Variants in ZNF777 observed in about 807,000 individuals in gnomAD.
The protein encoded by ZNF777 is zinc finger protein 777.
ZNF777 carries 7 observed loss-of-function variants against 72.1 expected under a neutral mutation model. The ratio of observed to expected loss-of-function variants is 0.10; its 90% CI spans 0.06 to 0.18. The LOEUF is 0.18. Ranked by LOEUF, ZNF777 falls within the 10% of genes least tolerant of loss-of-function variation. ZNF777 has a pLI of 1.00. For missense variants in ZNF777, 828 were observed against 1,128.6 expected, an observed-to-expected ratio of 0.73 and a Z score of 3.82; for synonymous variants, 545 against 483.5, an observed-to-expected ratio of 1.13 and a Z score of -1.67.
Position 149,436,482 on chromosome 7 carries a change from C to A in ZNF777, c.1339+93G>T. Reference sequence around the variant, plus strand: ...TGTTGCCCCATCAGTGTCCAGCTACCTCTCTGAAGGAACCACAGCTTTCCC... The same window carrying A: ...TGTTGCCCCATCAGTGTCCAGCTACATCTCTGAAGGAACCACAGCTTTCCC... On this transcript the variant is annotated intron_variant, in intron 5 of 5. Transcript: ENST00000247930. This position sits in a 1 kb window ranked among gnomAD's most constrained non-coding sequence, Gnocchi z 5.0. The A allele has an allele frequency of 6.9e-7, 1 of 1,440,832 alleles. No individual in the cohort carries two copies. The highest frequency in any genetic ancestry group is 9.3e-7 in the Non-Finnish European group (1 of 1,077,044). 89.3% of individuals were successfully genotyped at this position (1,440,832 alleles called of 1,614,324 possible).
intron 4 of ZNF777, among the ~76,000 whole-genome samples, chr7:149,449,927 C>T (rs947627627): frequency 5.9e-5 from 9 of 152,196 alleles, no homozygotes; most frequent in Non-Finnish European, 1.0e-4. Flanking sequence ...CAGAAGTCAC[C>T]TTCCCACTCA....
At chr7:149,447,816 A>G (rs1799630832) in intron 4 of ZNF777, among the ~76,000 whole-genome samples, 1 of 152,112 alleles carries the variant, frequency 6.6e-6, no homozygotes, top group South Asian at 2.1e-4. Context: ...GCAGCCCTGG[A>G]TGCTCTGCGT....
chr7:149,435,898 A>C (rs1405771396), intron 5 of ZNF777, among the ~76,000 whole-genome samples: 2 of 152,372 alleles, frequency 1.3e-5, no homozygotes, highest in East Asian at 3.9e-4. Context: ...AACTTGAGTA[A>C]AATATTTATT....
chr7:149,433,312 C>G (rs181332882), intron 5 of ZNF777, among the ~76,000 whole-genome samples: 10 of 152,328 alleles, frequency 6.6e-5, no homozygotes, highest in Non-Finnish European at 8.8e-5. Flanking sequence ...TGTGGGAACA[C>G]CTGGATCCAG....
chr7:149,446,858 T>C (rs1799612298), intron 4 of ZNF777, among the ~76,000 whole-genome samples: 1 of 152,192 alleles, frequency 6.6e-6, no homozygotes, highest in African/African-American at 2.4e-5. Context: ...AACGTTTGTC[T>C]TCCTAAGGTC....
rs1428918593 is a variant in ZNF777 at position 149,460,309 on chromosome 7, C to T, written c.-16+506G>A. ...GGGCTCGCGCGCGGCCGTCGGGCCC[C>T]GGCCTGCTCGGGGCGCGCGGGGCGA... On this transcript the variant is annotated intron_variant, in intron 1 of 5. Transcript: ENST00000247930. This position sits in a 1 kb window ranked among gnomAD's most constrained non-coding sequence, Gnocchi z 6.1. Among the ~76,000 whole-genome samples, 1 of 146,016 alleles carries T rather than the reference C, an allele frequency of 6.8e-6. No homozygotes were observed. Among genetic ancestry groups the T allele is most frequent in the Non-Finnish European group, 1.5e-5 (1 of 65,758 alleles).
At chr7:149,453,472 T>C (rs1239649139) in intron 3 of ZNF777, among the ~76,000 whole-genome samples, 1 of 152,208 alleles carries the variant, frequency 6.6e-6, no homozygotes, top group Non-Finnish European at 1.5e-5. Flanking sequence ...CACACATATA[T>C]ATATGTAAGT....
In ZNF777 at chr7:149,442,216, C is replaced by CA. The variant is rs528928411; in HGVS notation, c.1088-5391dup. On this transcript the variant is annotated intron_variant, in intron 4 of 5. Transcript: ENST00000247930. ...TGGGCGACAGAGTGAGACTCTGTCT[C>CA]AAAAAAAAAAAAAAAAAAAGTGATA... 6.8e-3 allele frequency among the ~76,000 whole-genome samples: 562 copies of CA among 83,046 alleles called. 7 individuals are homozygous for CA. The highest frequency in any genetic ancestry group is 0.022 in the African/African-American group (472 of 21,002). The allele number at this position is 83,046 out of a possible 152,430, so 54.5% of individuals were successfully genotyped here.
intron 4 of ZNF777, among the ~76,000 whole-genome samples, chr7:149,447,352 T>C (rs1157518616): frequency 6.6e-6 from 1 of 152,220 alleles, no homozygotes; most frequent in Non-Finnish European, 1.5e-5. Flanking sequence ...GACTCCTTTA[T>C]TCAGCTGCTT....
In ZNF777 at chr7:149,436,753, C is replaced by T. The variant is rs530084889; in HGVS notation, c.1161G>A (p.Glu387=). 1 of 1,614,174 alleles carries T rather than the reference C, an allele frequency of 6.2e-7. No individual in the cohort carries two copies. Among genetic ancestry groups the T allele is most frequent in the Non-Finnish European group, 8.5e-7 (1 of 1,180,022 alleles). Residue 387 remains glutamate, a synonymous_variant, in exon 5 of 6, where the codon GAG becomes GAA. Coordinates refer to ENST00000247930, the MANE Select transcript of ZNF777 (RefSeq NM_015694.3). The surrounding 1 kb of genome is among the most constrained non-coding windows in gnomAD (Gnocchi z 5.0). The part of the protein sequence containing the change: ...DEGSESLETP[E]PLMGQVEEHG... ...GCTCTTCCACCTGTCCCATCAGGGGCTCAGGTGTCTCCAAACTTTCTGAGC... is the reference window on the plus strand; with the variant it reads ...GCTCTTCCACCTGTCCCATCAGGGGTTCAGGTGTCTCCAAACTTTCTGAGC...
intron 5 of ZNF777, among the ~76,000 whole-genome samples, chr7:149,435,535 G>A (rs1799395430): frequency 6.6e-6 from 1 of 151,972 alleles, no homozygotes; most frequent in South Asian, 2.1e-4. Flanking sequence ...TTTATTAAGT[G>A]CAAAAAGGCA....
chr7:149,448,747 G>A (rs573709688), intron 4 of ZNF777, among the ~76,000 whole-genome samples: 6 of 151,810 alleles, frequency 4.0e-5, no homozygotes, highest in East Asian at 1.9e-4. Context: ...TTTACTCTTT[G>A]CCAACTTGCT....
intron 5 of ZNF777, among the ~76,000 whole-genome samples, chr7:149,434,446 G>C (rs950096708): frequency 3.3e-5 from 5 of 152,202 alleles, no homozygotes; most frequent in Non-Finnish European, 7.3e-5. Flanking sequence ...CAAGGAGCAG[G>C]CAGCTGCAGA....
intron 4 of ZNF777, among the ~76,000 whole-genome samples, chr7:149,448,283 T>C (rs973677369): frequency 6.6e-6 from 1 of 151,392 alleles, no homozygotes; most frequent in Non-Finnish European, 1.5e-5. Flanking sequence ...CTGACCAACA[T>C]GGTGAAACGT....
intron 4 of ZNF777, among the ~76,000 whole-genome samples, chr7:149,448,529 ATATAGTT>A (rs1304301504): frequency 1.4e-5 from 2 of 141,740 alleles, no homozygotes; most frequent in Non-Finnish European, 3.0e-5. Context: ...ATAGTTATAC[ATATAGTT>A]ATATATATAG....
At chr7:149,449,813 C>A (rs1403097472) in intron 4 of ZNF777, among the ~76,000 whole-genome samples, 1 of 152,190 alleles carries the variant, frequency 6.6e-6, no homozygotes, top group African/African-American at 2.4e-5. Context: ...TCAGGATTAG[C>A]CCCTCTCCTC....
intron 2 of ZNF777, 143 bp from the exon 3 acceptor site, chr7:149,454,380 G>T: frequency 1.0e-6 from 1 of 966,484 alleles, no homozygotes; most frequent in Non-Finnish European, 1.5e-6. Flanking sequence ...TGGCCCCAAA[G>T]AGTGAGGGGC....
chr7:149,451,023 C>T lies in ZNF777; in HGVS notation c.1063G>A (p.Glu355Lys), dbSNP rs1323283342. 4 of 1,613,872 alleles carry T rather than the reference C, an allele frequency of 2.5e-6. No homozygotes were observed. The highest frequency in any genetic ancestry group is 1.3e-5 in the African/African-American group (1 of 75,042). Residue 355 changes from glutamate to lysine, a missense_variant, in exon 4 of 6, where the codon GAA becomes AAA. Glu to Lys is a moderately conservative substitution (Grantham distance 56). Around this residue, in one of 12 missense-constraint regions of ZNF777, gnomAD observed 73 missense variants for 90.6 expected, o/e 0.81. Coordinates refer to ENST00000247930, the MANE Select transcript of ZNF777 (RefSeq NM_015694.3). Reference sequence around the variant, plus strand: ...CCAGCACTGGGATCTGTCGGCGTTTCGCCCTCCTCAGAGTCTTCCTGCTCC... The same window carrying T: ...CCAGCACTGGGATCTGTCGGCGTTTTGCCCTCCTCAGAGTCTTCCTGCTCC... ...MQEQEDSEEG[E>K]TPTDPSAAHD...
chr7:149,458,340 C>T (rs1307989381), intron 1 of ZNF777, among the ~76,000 whole-genome samples: 2 of 152,242 alleles, frequency 1.3e-5, no homozygotes, highest in African/African-American at 2.4e-5. Flanking sequence ...GCGCCTGGCT[C>T]TCAGGGAAAG....
Sources: allele counts gnomAD v4.1 joint callset (sites outside exome capture counted in the v4.1 genomes callset), GRCh38; gene constraint gnomAD v4.1.1; regional missense constraint gnomAD v4.1.1; non-coding constraint Gnocchi (gnomAD v3.1); transcripts MANE v1.5; gene names NCBI Gene and HGNC (gene_info 2026-07-23, HGNC 2026-07-21).